Variants in COL5A1 observed in about 807,000 individuals in gnomAD.
The protein encoded by COL5A1 is collagen type V alpha 1 chain.
A neutral mutation model predicts 263.7 loss-of-function variants in COL5A1; 16 were observed. The observed-to-expected ratio is 0.06, with a 90% CI of 0.04 to 0.09. COL5A1 has a LOEUF of 0.09. COL5A1 is among the 10% of genes least tolerant of loss of function. The probability of loss-of-function intolerance (pLI) is 1.00; values close to 1 mark genes in which losing one functional copy is unlikely to be tolerated. For missense variants in COL5A1, 2,036 were observed against 2,540.5 expected (o/e 0.80, Z 4.27); for synonymous variants, 1,012 against 1,004.5 (o/e 1.01, Z -0.14).
At chr9:134,719,057 G>A (rs953177236) in intron 4 of COL5A1, among the ~76,000 whole-genome samples, 1 of 152,286 alleles carries the variant, frequency 6.6e-6, no homozygotes. Flanking sequence ...ACGTTGGAGC[G>A]GGGAAGTGGG....
intron 11 of COL5A1, among the ~76,000 whole-genome samples, chr9:134,739,255 G>A (rs914354471): frequency 2.0e-5 from 3 of 152,226 alleles, no homozygotes; most frequent in Non-Finnish European, 2.9e-5. Flanking sequence ...GGTGTCCCTC[G>A]CCGCGGGAGG....
At position 134,795,167 on chromosome 9, in the gene COL5A1, G is replaced by A. The variant is rs1837851712; in HGVS notation, c.2745+41G>A. 5.0e-6 allele frequency: 8 copies of A among 1,613,934 alleles called. No homozygotes were observed. In the East Asian group the frequency reaches 1.8e-4, roughly 36 times the overall value. ...GCTTGTGGGCATGTTTGGGAAACGG[G>A]AGCATGGTTTAGGGAGCACGTGCCA... On this transcript the variant is annotated intron_variant, in intron 33 of 65. Coordinates refer to ENST00000371817, the MANE Select transcript of COL5A1 (RefSeq NM_000093.5).
intron 1 of COL5A1, among the ~76,000 whole-genome samples, chr9:134,654,563 G>A (rs1386878142): frequency 2.3e-5 from 3 of 128,918 alleles, no homozygotes; most frequent in East Asian, 2.6e-4. Flanking sequence ...GTAGGGCTGG[G>A]TGTGTGTAGG....
chr9:134,702,353 A>G lies in COL5A1; in HGVS notation c.654+1020A>G, dbSNP rs1274454303. 5.3e-5 allele frequency among the ~76,000 whole-genome samples: 8 copies of G among 152,292 alleles called. No individual in the cohort carries two copies. In the East Asian group the frequency reaches 9.7e-4, roughly 18 times the overall value. ...CCTCCAGGGCTGCAGAGATGGGACA[A>G]GTTAGGGCAGTGTCTCCTCCCTAAA... On this transcript the variant is annotated intron_variant, in intron 4 of 65. Transcript: ENST00000371817.
chr9:134,786,230 C>T lies in COL5A1; in HGVS notation c.2646+182C>T, dbSNP rs1265233115. Among the ~76,000 whole-genome samples the T allele has an allele frequency of 2.6e-5, 4 of 151,904 alleles. No individual in the cohort carries two copies. In the East Asian group the frequency reaches 7.7e-4, roughly 29 times the overall value. On this transcript the variant is annotated intron_variant, in intron 31 of 65. Coordinates refer to ENST00000371817, the MANE Select transcript of COL5A1 (RefSeq NM_000093.5). The stretch of plus-strand genomic sequence containing the variant: ...GGGGTTGTACCGCCAGGCCTCCTCA[C>T]CTTGCATCCAGCTATGTTAGGTGTC...
intron 4 of COL5A1, among the ~76,000 whole-genome samples, chr9:134,721,538 A>G (rs950087508): frequency 1.3e-5 from 2 of 152,078 alleles, no homozygotes; most frequent in Non-Finnish European, 2.9e-5. Flanking sequence ...CTGGACTCGC[A>G]GGAATCAGGT....
intron 9 of COL5A1, among the ~76,000 whole-genome samples, chr9:134,737,701 C>T (rs1209604558): frequency 2.0e-5 from 3 of 152,164 alleles, no homozygotes; most frequent in East Asian, 1.9e-4. Flanking sequence ...CAGGGAGCCC[C>T]GTCCTGCAGG....
At position 134,765,822 on chromosome 9, in the gene COL5A1, C is replaced by T; in HGVS notation, c.2088+88C>T. 1 of 1,169,106 alleles carries T rather than the reference C, an allele frequency of 8.6e-7. No homozygotes were observed. The highest frequency in any genetic ancestry group is 2.0e-5 in the Admixed American group (1 of 51,122). 72.4% of individuals were successfully genotyped at this position (1,169,106 alleles called of 1,614,324 possible). On this transcript the variant is annotated intron_variant, in intron 21 of 65. Transcript: ENST00000371817. This position sits in a 1 kb window ranked among gnomAD's most constrained non-coding sequence, Gnocchi z 5.1. ...GCCGGTGGACGCTTGGGCACTGGGG[C>T]AGCAAGTCCGTGCTGGCCCCTCTGG...
Position 134,691,097 on chromosome 9 carries a change from C to A in COL5A1, c.277+18C>A. ...GTACCCTGGTAAGTGCCGCACCCTT[C>A]TGTTTGGGGCGGTGGGTCCCGTTGG... On this transcript the variant is annotated intron_variant, in intron 2 of 65. Coordinates refer to ENST00000371817, the MANE Select transcript of COL5A1 (RefSeq NM_000093.5). 1.9e-6 allele frequency: 3 copies of A among 1,611,912 alleles called. No individual in the cohort carries two copies. Among genetic ancestry groups the A allele is most frequent in the Non-Finnish European group, 2.5e-6 (3 of 1,180,000 alleles).
chr9:134,818,595 T>C lies in COL5A1; in HGVS notation c.4231-61T>C. On this transcript the variant is annotated intron_variant, in intron 54 of 65. Coordinates refer to ENST00000371817, the MANE Select transcript of COL5A1 (RefSeq NM_000093.5). This position sits in a 1 kb window ranked among gnomAD's most constrained non-coding sequence, Gnocchi z 6.0. Reference sequence around the variant, plus strand: ...GCCCAGGGTTTCCGAGCAGTGGTCCTGGGCCAGGGTGCCTGGAGCCTAGAG... The same window carrying C: ...GCCCAGGGTTTCCGAGCAGTGGTCCCGGGCCAGGGTGCCTGGAGCCTAGAG... 4 of 1,302,638 alleles carry C rather than the reference T, an allele frequency of 3.1e-6. No individual in the cohort carries two copies. The highest frequency in any genetic ancestry group is 4.4e-6 in the Non-Finnish European group (4 of 917,492). The allele number at this position is 1,302,638 out of a possible 1,614,324, so 80.7% of individuals were successfully genotyped here. A position where few individuals can be genotyped will look rare whatever the true frequency, so the allele number is the denominator to read the frequency against.
chr9:134,668,986 TCCACCCACCCACCCACTCACCCAA>T (rs1832444021), intron 1 of COL5A1, among the ~76,000 whole-genome samples: 1 of 135,656 alleles, frequency 7.4e-6, no homozygotes, highest in Non-Finnish European at 1.6e-5. Context: ...CATCCATCCA[TCCACCCACCCACCCACTCACCCAA>T]CCATCCATCC....
chr9:134,781,422 G>A (rs1018181700), intron 28 of COL5A1, among the ~76,000 whole-genome samples: 3 of 152,254 alleles, frequency 2.0e-5, no homozygotes, highest in African/African-American at 7.2e-5. Context: ...GAACACGAGG[G>A]CCTTACGAAC....
chr9:134,646,615 T>C (rs1831483155), intron 1 of COL5A1, among the ~76,000 whole-genome samples: 1 of 152,208 alleles, frequency 6.6e-6, no homozygotes. Context: ...GGCAGCTTCC[T>C]TAACCCTTTC....
Position 134,730,483 on chromosome 9 carries a change from C to T in COL5A1, c.1164+8C>T. ...ACCTCCAACTCCTCCAATGTAATTT[C>T]TTTCCTTCCCATTGGTTTGGTCTGG... On this transcript the variant is annotated splice_region_variant and intron_variant, in intron 7 of 65. Coordinates refer to ENST00000371817, the MANE Select transcript of COL5A1 (RefSeq NM_000093.5). The T allele has an allele frequency of 6.2e-7, 1 of 1,613,966 alleles. No individual in the cohort carries two copies. Among genetic ancestry groups the T allele is most frequent in the African/African-American group, 1.3e-5 (1 of 75,066 alleles).
rs1427011164 is a variant in COL5A1 at position 134,822,164 on chromosome 9, A to G, written c.4608+14A>G. ...CCTGGCCTGCCGGTGTGTATCTGGG[A>G]GGGGCTTGGTCATTCCTGGGAGGGC... is the stretch of plus-strand genomic sequence containing the variant. On this transcript the variant is annotated intron_variant, in intron 59 of 65. Transcript: ENST00000371817. 8.1e-7 allele frequency: 1 copy of G among 1,232,258 alleles called. No individual in the cohort carries two copies. The allele number at this position is 1,232,258 out of a possible 1,614,324, so 76.3% of individuals were successfully genotyped here. A position where few individuals can be genotyped will look rare whatever the true frequency, so the allele number is the denominator to read the frequency against.
rs1234881991 is a variant in COL5A1 at position 134,686,053 on chromosome 9, A to T, written c.110-4859A>T. On this transcript the variant is annotated intron_variant, in intron 1 of 65. Coordinates refer to ENST00000371817, the MANE Select transcript of COL5A1 (RefSeq NM_000093.5). The surrounding 1 kb of genome is among the most constrained non-coding windows in gnomAD (Gnocchi z 4.6). ...CCATCTATCCACCATTCATTTATCC[A>T]CTATCCATCCATTCATCCGTCCATC... is the stretch of plus-strand genomic sequence containing the variant. Among the ~76,000 whole-genome samples the T allele has an allele frequency of 6.6e-6, 1 of 151,960 alleles. No homozygotes were observed. Among genetic ancestry groups the T allele is most frequent in the Non-Finnish European group, 1.5e-5 (1 of 67,986 alleles).
intron 37 of COL5A1, among the ~76,000 whole-genome samples, chr9:134,800,686 C>T (rs935415371): frequency 2.1e-5 from 3 of 142,504 alleles, no homozygotes; most frequent in East Asian, 2.2e-4. Context: ...TGGAGGCTGC[C>T]GTGAGCCGAG....
rs1302950044 is a variant in COL5A1, at chr9:134,738,735, T to A, written c.1432-11T>A. 6.2e-7 allele frequency: 1 copy of A among 1,611,906 alleles called. No individual in the cohort carries two copies. The highest frequency in any genetic ancestry group is 2.2e-5 in the East Asian group (1 of 44,842). ...ATCTTCTAACTGCCCCAACTTTATT[T>A]TTAATTCTAGGGTCTTCCCGGACCT... On this transcript the variant is annotated splice_polypyrimidine_tract_variant and intron_variant, in intron 10 of 65. Coordinates refer to ENST00000371817, the MANE Select transcript of COL5A1 (RefSeq NM_000093.5).
intron 4 of COL5A1, among the ~76,000 whole-genome samples, chr9:134,704,060 A>T (rs996431510): frequency 1.3e-5 from 2 of 152,138 alleles, no homozygotes; most frequent in African/African-American, 4.8e-5. Context: ...AAAAATTAGG[A>T]TCCTAAAACA....
Sources: gnomAD v4.1 joint callset for allele counts (sites outside exome capture counted in the v4.1 genomes callset) on GRCh38, gnomAD v4.1.1 for gene constraint, Gnocchi (gnomAD v3.1) non-coding constraint, MANE v1.5 for transcripts, NCBI Gene and HGNC (gene_info 2026-07-23, HGNC 2026-07-21) for gene names.